SLC25A48: variants seen among roughly 807,000 people sequenced by gnomAD.
The protein encoded by SLC25A48 is solute carrier family 25 member 48.
In SLC25A48, 29 loss-of-function variants were observed where a neutral mutation model predicts 32.2. The observed-to-expected ratio is 0.90, with a 90% confidence interval of 0.67 to 1.23. The LOEUF is 1.23. Ranked by LOEUF, SLC25A48 falls within the 50% of genes most tolerant of loss-of-function variation. The probability of loss-of-function intolerance (pLI) is 0.00; values close to 1 mark genes in which losing one functional copy is unlikely to be tolerated. For missense variants in SLC25A48, 399 were observed against 422.7 expected, an observed-to-expected ratio of 0.94 and a Z score of 0.49; for synonymous variants, 164 against 172.3, an observed-to-expected ratio of 0.95 and a Z score of 0.38.
At chr5:135,617,575 G>A (rs1055812994) in intron 1 of SLC25A48, among the ~76,000 whole-genome samples, 4 of 150,870 alleles carry the variant, frequency 2.7e-5, no homozygotes, top group Non-Finnish European at 5.9e-5. Flanking sequence ...ACTTTTTTGA[G>A]GTACTCATCT....
chr5:135,757,998 A>T (rs1032096747), intron 3 of SLC25A48, among the ~76,000 whole-genome samples: 1 of 150,302 alleles, frequency 6.7e-6, no homozygotes, highest in Non-Finnish European at 1.5e-5. Flanking sequence ...TATCATCTAG[A>T]TAATGCTTAT....
chr5:135,753,060 C>T (rs1203067693), intron 3 of SLC25A48, among the ~76,000 whole-genome samples: 5 of 151,928 alleles, frequency 3.3e-5, no homozygotes, highest in Non-Finnish European at 7.4e-5. Context: ...TGGGGGTGTA[C>T]GTACATATGG....
rs70976575 is a variant in SLC25A48 at position 135,666,657 on chromosome 5, CAGAGAGAGAGAG to C, written c.-521+31725_-521+31736del. ...AATAGAAGCCTGTGGTTCAGGGCATCAGAGAGAGAGAGAGAGAGAGAGAGAGAGAGAGAGAAT... is the reference window on the plus strand; with the variant it reads ...AATAGAAGCCTGTGGTTCAGGGCATCAGAGAGAGAGAGAGAGAGAGAGAAT... On this transcript the variant is annotated intron_variant, in intron 3 of 10. Coordinates refer to the SLC25A48 transcript ENST00000646290. Among the ~76,000 whole-genome samples, 1,380 of 150,062 alleles carry C rather than the reference CAGAGAGAGAGAG, an allele frequency of 9.2e-3. 18 individuals are homozygous for C. Among genetic ancestry groups the C allele is most frequent in the African/African-American group, 0.03 (1,209 of 40,794 alleles).
intron 4 of SLC25A48, among the ~76,000 whole-genome samples, chr5:135,819,147 A>G (rs1757814532): frequency 6.6e-6 from 1 of 152,012 alleles, no homozygotes; most frequent in African/African-American, 2.4e-5. Flanking sequence ...GCGAGAAGAA[A>G]TAGGCTAAAA....
At chr5:135,726,477 A>G (rs1755091923) in intron 3 of SLC25A48, among the ~76,000 whole-genome samples, 1 of 152,128 alleles carries the variant, frequency 6.6e-6, no homozygotes, top group Admixed American at 6.5e-5. Flanking sequence ...TCTTGCCTCC[A>G]TTCCTTCTTA....
chr5:135,784,278 T>C lies in SLC25A48; in HGVS notation c.-520-28245T>C, dbSNP rs1756785972. 1.7e-5 allele frequency among the ~76,000 whole-genome samples: 2 copies of C among 117,518 alleles called. 1 individual carries two copies. The allele number at this position is 117,518 out of a possible 152,430, so 77.1% of individuals were successfully genotyped here. On this transcript the variant is annotated intron_variant, in intron 3 of 10. Coordinates refer to the SLC25A48 transcript ENST00000646290. ...GCGCAGAGAGTGTACACCCCACCTG[T>C]GATATGTTCCTAATATAAAGAAATG...
At chr5:135,708,008 CAG>C (rs1239297812) in intron 3 of SLC25A48, among the ~76,000 whole-genome samples, 1 of 152,114 alleles carries the variant, frequency 6.6e-6, no homozygotes, top group Non-Finnish European at 1.5e-5. Flanking sequence ...CTGAGTGTGA[CAG>C]AAGATGAAGT....
upstream of SLC25A48, among the ~76,000 whole-genome samples, chr5:135,832,304 G>C (rs12521010): frequency 0.19 from 28,907 of 152,018 alleles, 2,914 homozygotes; most frequent in Middle Eastern, 0.25. Flanking sequence ...AAGATGAGAA[G>C]AGCTGGAGAA....
chr5:135,831,417 C>A, upstream of SLC25A48, among the ~76,000 whole-genome samples: 1 of 152,240 alleles, frequency 6.6e-6, no homozygotes, highest in East Asian at 1.9e-4. Context: ...TCAGTGGGCT[C>A]ACAGTCTGGA....
At chr5:135,882,679 G>A (rs531257926) in intron 7 of SLC25A48, among the ~76,000 whole-genome samples, 6 of 152,138 alleles carry the variant, frequency 3.9e-5, no homozygotes, top group South Asian at 2.1e-4. Flanking sequence ...GTGGCATCCC[G>A]ACCACTTACC....
upstream of SLC25A48, among the ~76,000 whole-genome samples, chr5:135,833,596 G>A (rs532115116): frequency 3.2e-4 from 48 of 152,282 alleles, no homozygotes; most frequent in South Asian, 6.6e-3. Context: ...TTGAGGTGCC[G>A]GGATGGGGTG....
intron 2 of SLC25A48, among the ~76,000 whole-genome samples, chr5:135,848,632 C>A (rs1452342371): frequency 6.6e-6 from 1 of 152,124 alleles, no homozygotes; most frequent in African/African-American, 2.4e-5. Flanking sequence ...TTTTTATTGA[C>A]CATCTTTCCT....
At chr5:135,628,975 C>T (rs771515058) in intron 1 of SLC25A48, among the ~76,000 whole-genome samples, 14 of 152,216 alleles carry the variant, frequency 9.2e-5, no homozygotes, top group Non-Finnish European at 1.9e-4. Context: ...ATGTCCACAG[C>T]ACTGGGGCCA....
rs150243711 is a variant in SLC25A48 at position 135,853,934 on chromosome 5, G to A, written c.421+1113G>A. ...AAGTCAAAATCACTCCTTGATTCAC[G>A]GGCTGCCGAATGGATGCTGTGTTAG... On this transcript the variant is annotated intron_variant, in intron 4 of 7. Coordinates refer to ENST00000681962, the MANE Select transcript of SLC25A48 (RefSeq NM_001349336.2). 1.9e-3 allele frequency among the ~76,000 whole-genome samples: 292 copies of A among 152,244 alleles called. 1 individual carries two copies. Among genetic ancestry groups the A allele is most frequent in the Admixed American group, 4.4e-3 (67 of 15,290 alleles).
chr5:135,801,767 C>T (rs573755913), intron 3 of SLC25A48, among the ~76,000 whole-genome samples: 4 of 151,584 alleles, frequency 2.6e-5, no homozygotes, highest in East Asian at 1.9e-4. Flanking sequence ...TGATATTGTA[C>T]GTAATATGCA....
intron 3 of SLC25A48, among the ~76,000 whole-genome samples, chr5:135,709,836 A>G (rs1428625569): frequency 1.3e-4 from 20 of 152,216 alleles, no homozygotes; most frequent in Non-Finnish European, 2.9e-5. Context: ...GTTCATGTTG[A>G]CTGCTTTATT....
chr5:135,632,280 G>T (rs1327209029), intron 2 of SLC25A48, among the ~76,000 whole-genome samples: 1 of 152,190 alleles, frequency 6.6e-6, no homozygotes, highest in Non-Finnish European at 1.5e-5. Flanking sequence ...TGTCTTAGAA[G>T]ACTGACTCAG....
At chr5:135,883,022 C>G in intron 7 of SLC25A48, 1 of 985,138 alleles carries the variant, frequency 1.0e-6, no homozygotes, top group Non-Finnish European at 1.2e-6. Context: ...TTTCAAGACT[C>G]CCGTTAGAAG....
intron 3 of SLC25A48, among the ~76,000 whole-genome samples, chr5:135,808,655 C>A (rs1459434238): frequency 6.6e-6 from 1 of 152,050 alleles, no homozygotes; most frequent in Non-Finnish European, 1.5e-5. Flanking sequence ...CTTTTCTGAT[C>A]CTGTCCTGTA....
Sources: gnomAD v4.1 joint callset for allele counts (sites outside exome capture counted in the v4.1 genomes callset) on GRCh38, gnomAD v4.1.1 for gene constraint, MANE v1.5 for transcripts, NCBI Gene and HGNC (gene_info 2026-07-23, HGNC 2026-07-21) for gene names.